Variants in SPPL3 observed in about 807,000 individuals in gnomAD.
SPPL3 encodes the protein signal peptide peptidase-like 3.
A neutral mutation model predicts 42.4 loss-of-function variants in SPPL3; 5 were observed. The ratio of observed to expected loss-of-function variants is 0.12; its 90% CI spans 0.06 to 0.25. The LOEUF (loss-of-function observed/expected upper bound fraction) is 0.25, where lower values mean the gene tolerates loss of function less well. Among genes scored for constraint, SPPL3 ranks in the 10% least tolerant of loss-of-function variants. The pLI is 1.00. For missense variants in SPPL3, 235 were observed against 489.0 expected (o/e 0.48, Z 4.90); for synonymous variants, 195 against 181.8 (o/e 1.07, Z -0.58).
Position 120,764,116 on chromosome 12 carries a change from T to TATCA in SPPL3, c.*879_*882dup, listed in dbSNP as rs1396403664. On this transcript the variant is annotated 3_prime_UTR_variant, in exon 11 of 11. Transcript: ENST00000353487. ...TAAGGGCTCCTGAAGTCCATGAGTC[T>TATCA]ATCATCAATCAGCACAAATGCTATA... 21 of 152,656 alleles carry TATCA rather than the reference T, an allele frequency of 1.4e-4. No homozygotes were observed. The highest frequency in any genetic ancestry group is 3.4e-4 in the African/African-American group (14 of 41,540). 9.5% of individuals were successfully genotyped at this position (152,656 alleles called of 1,614,324 possible). A position where few individuals can be genotyped will look rare whatever the true frequency, so the allele number is the denominator to read the frequency against.
At chr12:120,770,225 G>A (rs1200151976) in intron 6 of SPPL3, 1 of 152,226 alleles carries the variant, frequency 6.6e-6, no homozygotes, top group African/African-American at 2.4e-5. Flanking sequence ...ATTTTTTGTA[G>A]AGATGAGGTC....
At chr12:120,820,913 G>A (rs991936501) in intron 1 of SPPL3, among the ~76,000 whole-genome samples, 7 of 151,940 alleles carry the variant, frequency 4.6e-5, no homozygotes, top group African/African-American at 1.7e-4. Context: ...AAAAACATAT[G>A]GAGATCCCAC....
chr12:120,813,572 C>T (rs889020776), intron 1 of SPPL3, among the ~76,000 whole-genome samples: 6 of 151,898 alleles, frequency 4.0e-5, no homozygotes, highest in Admixed American at 1.3e-4. Flanking sequence ...CCACCCGCCT[C>T]GGCCTCTCAA....
chr12:120,869,777 A>C (rs1318894829), intron 1 of SPPL3, among the ~76,000 whole-genome samples: 1 of 152,248 alleles, frequency 6.6e-6, no homozygotes, highest in East Asian at 1.9e-4. Context: ...AAACTACTAC[A>C]TCTAAGCATA....
At chr12:120,811,940 G>A (rs1232631391) in intron 1 of SPPL3, among the ~76,000 whole-genome samples, 1 of 152,072 alleles carries the variant, frequency 6.6e-6, no homozygotes, top group African/African-American at 2.4e-5. Context: ...ATGTATATTA[G>A]GTAGATGCAG....
rs780053422 is a variant in SPPL3, at chr12:120,767,645, T to C, written c.774-52A>G. 3 of 1,586,476 alleles carry C rather than the reference T, an allele frequency of 1.9e-6. No individual in the cohort carries two copies. In the South Asian group the frequency reaches 3.3e-5, roughly 18 times the overall value. ...ACGTCACACTCTACAATCCAGTTTCTATTCCTTTTGTGCAAAGTTTGTTAG... is the reference window on the plus strand; with the variant it reads ...ACGTCACACTCTACAATCCAGTTTCCATTCCTTTTGTGCAAAGTTTGTTAG... On this transcript the variant is annotated intron_variant, in intron 8 of 10. Transcript: ENST00000353487.
Position 120,784,528 on chromosome 12 carries a change from C to T in SPPL3, c.256G>A (p.Val86Ile), listed in dbSNP as rs750497186. The T allele has an allele frequency of 1.7e-5, 28 of 1,612,694 alleles. No homozygotes were observed. Among genetic ancestry groups the T allele is most frequent in the Non-Finnish European group, 2.3e-5 (27 of 1,179,130 alleles). Reference protein sequence around the residue: ...LPIGASVSLLVMFFFFDSVQV... With the variant: ...LPIGASVSLLIMFFFFDSVQV... Reference sequence around the variant, plus strand: ...ACTGAGTCAAAGAAGAAGAACATTACTAAAAGAGAGACAGATGCTCCAATT... The same window carrying T: ...ACTGAGTCAAAGAAGAAGAACATTATTAAAAGAGAGACAGATGCTCCAATT... Residue 86 changes from valine (V) to isoleucine (I), a missense_variant, in exon 4 of 11, where the codon GTA becomes ATA. This residue lies in a region of SPPL3 where 110 missense variants were observed against 186.2 expected (regional missense o/e 0.59). Transcript: ENST00000353487.
intron 1 of SPPL3, among the ~76,000 whole-genome samples, chr12:120,813,101 T>C (rs1261932780): frequency 6.6e-6 from 1 of 152,062 alleles, no homozygotes; most frequent in East Asian, 1.9e-4. Context: ...AGGGTAAATA[T>C]AAGGATAAGG....
At chr12:120,821,709 A>G (rs560056148) in intron 1 of SPPL3, among the ~76,000 whole-genome samples, 22 of 152,322 alleles carry the variant, frequency 1.4e-4, no homozygotes, top group Middle Eastern at 6.8e-3. Flanking sequence ...CCCTCTCAGG[A>G]TATGTGCTCA....
At chr12:120,778,907 G>T (rs1327473008) in intron 6 of SPPL3, among the ~76,000 whole-genome samples, 9 of 151,956 alleles carry the variant, frequency 5.9e-5, no homozygotes, top group Non-Finnish European at 1.5e-5. Context: ...AATCATTTTT[G>T]TCAAATTCTA....
rs563490212 is a variant in SPPL3 at position 120,878,002 on chromosome 12, G to C, written c.23+25843C>G. On this transcript the variant is annotated intron_variant, in intron 1 of 10. Coordinates refer to ENST00000353487, the MANE Select transcript of SPPL3 (RefSeq NM_139015.5). ...CCACTGCACTCCAGCCTGGGCAAGA[G>C]AGCAAGACTCTTGTCTTAAAAAAGA... Among the ~76,000 whole-genome samples the C allele has an allele frequency of 2.7e-5, 4 of 149,742 alleles. No individual in the cohort carries two copies. In the South Asian group the frequency reaches 6.4e-4, roughly 24 times the overall value.
At chr12:120,817,875 G>A (rs974803298) in intron 1 of SPPL3, among the ~76,000 whole-genome samples, 89 of 152,092 alleles carry the variant, frequency 5.9e-4, no homozygotes, top group African/African-American at 2.1e-3. Context: ...GAAAGCAAGC[G>A]TTCATCAGCA....
chr12:120,783,474 T>C (rs923801259), intron 5 of SPPL3, among the ~76,000 whole-genome samples, 200 bp downstream of exon 5: 4 of 152,220 alleles, frequency 2.6e-5, no homozygotes, highest in Non-Finnish European at 5.9e-5. Context: ...CTAAGTTTTG[T>C]TTGTATTTCC....
At chr12:120,893,825 T>C (rs918779750) in intron 1 of SPPL3, among the ~76,000 whole-genome samples, 3 of 152,196 alleles carry the variant, frequency 2.0e-5, no homozygotes, top group Non-Finnish European at 4.4e-5. Context: ...AAGCCTCAAT[T>C]TCTGGTCTTC....
chr12:120,777,062 T>C (rs575298306), intron 6 of SPPL3, among the ~76,000 whole-genome samples: 2 of 152,262 alleles, frequency 1.3e-5, no homozygotes, highest in Admixed American at 1.3e-4. Context: ...AATCTGTCAT[T>C]TAAAGACACC....
chr12:120,873,865 C>G (rs893162432), intron 1 of SPPL3, among the ~76,000 whole-genome samples: 7 of 151,542 alleles, frequency 4.6e-5, no homozygotes, highest in South Asian at 4.2e-4. Flanking sequence ...CAGCTAGACT[C>G]CATCTCAAAA....
intron 1 of SPPL3, among the ~76,000 whole-genome samples, chr12:120,818,060 T>A (rs575005725): frequency 5.3e-5 from 8 of 152,178 alleles, no homozygotes; most frequent in African/African-American, 1.7e-4. Context: ...TCTCTCCCTA[T>A]CCTACATTTC....
At chr12:120,783,206 T>TC (rs1566040602) in intron 5 of SPPL3, among the ~76,000 whole-genome samples, 1 of 152,230 alleles carries the variant, frequency 6.6e-6, no homozygotes, top group Non-Finnish European at 1.5e-5. Context: ...CTAAGTGCGT[T>TC]CAGCATCTCC....
chr12:120,894,646 G>A (rs1409255458), intron 1 of SPPL3, among the ~76,000 whole-genome samples: 1 of 152,180 alleles, frequency 6.6e-6, no homozygotes, highest in Non-Finnish European at 1.5e-5. Flanking sequence ...TGTGGGATAA[G>A]GAAACAGATA....
Sources: gnomAD v4.1 joint callset for allele counts (sites outside exome capture counted in the v4.1 genomes callset) on GRCh38, gnomAD v4.1.1 for gene constraint, gnomAD v4.1.1 regional missense constraint, MANE v1.5 for transcripts, NCBI Gene and HGNC (gene_info 2026-07-23, HGNC 2026-07-21) for gene names.